RGS5: variants seen among roughly 807,000 people sequenced by gnomAD.
RGS5 encodes regulator of G-protein signalling 5.
RGS5 carries 20 observed loss-of-function variants against 18.9 expected under a neutral mutation model. The observed-to-expected ratio is 1.06, with a 90% CI of 0.74 to 1.54. The LOEUF (loss-of-function observed/expected upper bound fraction) is 1.54, where lower values mean the gene tolerates loss of function less well. RGS5 is among the 40% of genes most tolerant of loss of function. RGS5 has a pLI of 0.00. For missense variants in RGS5, 201 were observed against 211.8 expected, an observed-to-expected ratio of 0.95 and a Z score of 0.32; for synonymous variants, 57 against 76.2, an observed-to-expected ratio of 0.75 and a Z score of 1.31.
chr1:163,265,921 T>C (rs1233247643), intron 2 of RGS5, among the ~76,000 whole-genome samples: 2 of 152,162 alleles, frequency 1.3e-5, no homozygotes, highest in Admixed American at 6.6e-5. Context: ...TTATTCTTTA[T>C]GTTTTCTTGG....
At chr1:163,208,778 T>C (rs1026120554) in intron 1 of RGS5, among the ~76,000 whole-genome samples, 1 of 152,106 alleles carries the variant, frequency 6.6e-6, no homozygotes, top group Non-Finnish European at 1.5e-5. Flanking sequence ...ATATTAAATA[T>C]AAATATTTTT....
intron 2 of RGS5, among the ~76,000 whole-genome samples, chr1:163,269,616 G>A (rs1369253608): frequency 6.6e-6 from 1 of 152,044 alleles, no homozygotes; most frequent in Non-Finnish European, 1.5e-5. Context: ...CAACTATTAT[G>A]TTATTACTAA....
In RGS5 at chr1:163,144,458, G is replaced by T. The variant is rs1358796274; in HGVS notation, c.*2884C>A. ...GGCTAATCTTAGGTTTTTTTCTCAA[G>T]AGTGAGAACCATATTCTCCTATTTC... On this transcript the variant is annotated 3_prime_UTR_variant, in exon 5 of 5. Coordinates refer to ENST00000313961, the MANE Select transcript of RGS5 (RefSeq NM_003617.4). 1 of 152,286 alleles carries T rather than the reference G, an allele frequency of 6.6e-6. No homozygotes were observed. The highest frequency in any genetic ancestry group is 2.4e-5 in the African/African-American group (1 of 41,402). The allele number at this position is 152,286 out of a possible 1,614,324, so 9.4% of individuals were successfully genotyped here.
chr1:163,256,905 A>G (rs1423190779), intron 2 of RGS5, among the ~76,000 whole-genome samples: 2 of 152,226 alleles, frequency 1.3e-5, no homozygotes, highest in Non-Finnish European at 2.9e-5. Context: ...TGAATCAACA[A>G]AAGTTTAACA....
At chr1:163,309,179 C>T (rs997282097) in intron 1 of RGS5, among the ~76,000 whole-genome samples, 3 of 152,142 alleles carry the variant, frequency 2.0e-5, no homozygotes, top group Non-Finnish European at 4.4e-5. Context: ...AGTGCCACTG[C>T]ACTCCCACTT....
intron 2 of RGS5, among the ~76,000 whole-genome samples, chr1:163,166,494 T>C (rs1016911699): frequency 1.3e-5 from 2 of 151,974 alleles, no homozygotes; most frequent in African/African-American, 4.8e-5. Context: ...GAGAGAGAGA[T>C]GGAGCTTATG....
intron 1 of RGS5, among the ~76,000 whole-genome samples, chr1:163,177,706 G>A (rs1297074982): frequency 1.3e-5 from 2 of 152,166 alleles, no homozygotes; most frequent in Non-Finnish European, 2.9e-5. Context: ...CAAACACGCA[G>A]AAAACAAGTG....
Position 163,142,663 on chromosome 1 carries a change from T to C in RGS5, c.*4679A>G, listed in dbSNP as rs1388496105. Reference sequence around the variant, plus strand: ...GTGGCAAATTTCTCAGCATTTCTCTTTGTTTTGTCTATGCCTTAGCCTGTG... The same window carrying C: ...GTGGCAAATTTCTCAGCATTTCTCTCTGTTTTGTCTATGCCTTAGCCTGTG... On this transcript the variant is annotated 3_prime_UTR_variant, in exon 5 of 5. Coordinates refer to ENST00000313961, the MANE Select transcript of RGS5 (RefSeq NM_003617.4). 1.3e-5 allele frequency: 2 copies of C among 152,206 alleles called. No individual in the cohort carries two copies. Among genetic ancestry groups the C allele is most frequent in the Non-Finnish European group, 2.9e-5 (2 of 68,036 alleles). The allele number at this position is 152,206 out of a possible 1,614,324, so 9.4% of individuals were successfully genotyped here.
chr1:163,198,773 GGTGCTATCCACT>G (rs1487507673), intron 1 of RGS5, among the ~76,000 whole-genome samples: 39 of 152,048 alleles, frequency 2.6e-4, no homozygotes, highest in Non-Finnish European at 5.9e-5. Flanking sequence ...TGGCACTACA[GGTGCTATCCACT>G]GTGCCTGGCT....
upstream of RGS5, among the ~76,000 whole-genome samples, chr1:163,222,198 G>GT (rs1420691126): frequency 6.6e-6 from 1 of 152,156 alleles, no homozygotes; most frequent in African/African-American, 2.4e-5. Flanking sequence ...AGACCAGCAG[G>GT]TGAGTGGCAG....
chr1:163,282,046 C>T (rs541796519), intron 2 of RGS5, among the ~76,000 whole-genome samples: 19 of 113,836 alleles, frequency 1.7e-4, no homozygotes, highest in East Asian at 7.1e-4. Flanking sequence ...TGCACGCGCG[C>T]GCACACACAC....
At chr1:163,205,889 T>G (rs1260185396), upstream of RGS5, among the ~76,000 whole-genome samples, 1 of 152,234 alleles carries the variant, frequency 6.6e-6, no homozygotes, top group African/African-American at 2.4e-5. Flanking sequence ...TTATCACTTC[T>G]AATTTGGGGA....
At chr1:163,187,579 G>C (rs554835223) in intron 1 of RGS5, among the ~76,000 whole-genome samples, 2 of 152,162 alleles carry the variant, frequency 1.3e-5, no homozygotes, top group East Asian at 3.9e-4. Flanking sequence ...CAGAAGAAAC[G>C]CTTCCATAAA....
intron 2 of RGS5, among the ~76,000 whole-genome samples, chr1:163,253,966 C>T (rs1188783013): frequency 6.6e-6 from 1 of 151,824 alleles, no homozygotes; most frequent in Non-Finnish European, 1.5e-5. Context: ...CATGTCCCTA[C>T]AAAGCACATG....
At chr1:163,269,974 ACT>A (rs1483614137) in intron 2 of RGS5, among the ~76,000 whole-genome samples, 2 of 152,014 alleles carry the variant, frequency 1.3e-5, no homozygotes, top group African/African-American at 4.8e-5. Flanking sequence ...CTATTATTAA[ACT>A]CTAAAGAATT....
chr1:163,155,324 G>A (rs942268222), intron 3 of RGS5, among the ~76,000 whole-genome samples: 9 of 152,120 alleles, frequency 5.9e-5, no homozygotes. Flanking sequence ...ACTTTCCAGG[G>A]AATAAGCTTG....
intron 2 of RGS5, among the ~76,000 whole-genome samples, chr1:163,254,745 T>G (rs1412218325): frequency 9.9e-5 from 15 of 152,218 alleles, no homozygotes; most frequent in South Asian, 2.1e-4. Flanking sequence ...TGAATGGTAA[T>G]GCCTAGGTTT....
chr1:163,262,168 TTA>T (rs1491009942), intron 2 of RGS5, among the ~76,000 whole-genome samples: 8 of 144,900 alleles, frequency 5.5e-5, no homozygotes, highest in Non-Finnish European at 9.0e-5. Flanking sequence ...TTTTTTTTTT[TTA>T]TTATACTCTA....
intron 2 of RGS5, among the ~76,000 whole-genome samples, chr1:163,303,960 A>G (rs11582541): frequency 0.15 from 22,335 of 152,016 alleles, 1,966 homozygotes; most frequent in Non-Finnish European, 0.19. Flanking sequence ...CTTGACATCC[A>G]ACTCCTGCTC....
Sources: gnomAD v4.1 joint callset for allele counts (sites outside exome capture counted in the v4.1 genomes callset) on GRCh38, gnomAD v4.1.1 for gene constraint, MANE v1.5 for transcripts, NCBI Gene and HGNC (gene_info 2026-07-23, HGNC 2026-07-21) for gene names.